The following MICOS10 variants were observed in gnomAD, a reference collection of about 807,000 sequenced individuals.
The protein encoded by MICOS10 is mitochondrial contact site and cristae organizing system subunit 10, also known as MICOS complex subunit MIC10.
In MICOS10, 5 loss-of-function variants were observed where a neutral mutation model predicts 13.4. The observed-to-expected ratio is 0.37, with a 90% confidence interval of 0.20 to 0.78. MICOS10 has a LOEUF of 0.78. Ranked by LOEUF, MICOS10 falls within the 30% of genes least tolerant of loss-of-function variation. The probability of loss-of-function intolerance (pLI) is 0.47; values close to 1 mark genes in which losing one functional copy is unlikely to be tolerated. For synonymous variants in MICOS10, 35 were observed against 33.6 expected (o/e 1.04, Z -0.15); for missense variants, 101 against 94.6 (o/e 1.07, Z -0.28).
chr1:19,626,504 T>G lies in MICOS10; in HGVS notation c.*103T>G. ...AAGCTGCCATTCTTCTGTAACAATGTTATCAGTAATGCTTTAAACTCCAGC... is the reference window on the plus strand; with the variant it reads ...AAGCTGCCATTCTTCTGTAACAATGGTATCAGTAATGCTTTAAACTCCAGC... On this transcript the variant is annotated 3_prime_UTR_variant, in exon 4 of 4. Transcript: ENST00000322753. 7.9e-7 allele frequency: 1 copy of G among 1,260,840 alleles called. No homozygotes were observed. The allele number at this position is 1,260,840 out of a possible 1,614,324, so 78.1% of individuals were successfully genotyped here. A position where few individuals can be genotyped will look rare whatever the true frequency, so the allele number is the denominator to read the frequency against.
chr1:19,599,954 A>G (rs2094807489), intron 1 of MICOS10, among the ~76,000 whole-genome samples: 1 of 152,150 alleles, frequency 6.6e-6, no homozygotes. Flanking sequence ...CTGGTGGGTA[A>G]TCATGGGATG....
Position 19,623,568 on chromosome 1 carries a change from T to C in MICOS10, c.207T>C (p.His69=), listed in dbSNP as rs1737428. The C allele has an allele frequency of 0.23, 367,673 of 1,601,758 alleles. 50,110 individuals are homozygous for C. Among genetic ancestry groups the C allele is most frequent in the African/African-American group, 0.65 (48,775 of 74,596 alleles). The change falls in exon 3 of 4, where the codon CAT becomes CAC. Residue 69 remains histidine, a synonymous_variant. Transcript: ENST00000322753. The part of the protein sequence containing the change: ...QHDFQAPYLL[H]GKYVKEQEQ Reference sequence around the variant, plus strand: ...ATTTCCAGGCTCCATATCTTCTACATGGAAAATATGTCAAAGTATGTACAG... The same window carrying C: ...ATTTCCAGGCTCCATATCTTCTACACGGAAAATATGTCAAAGTATGTACAG...
At chr1:19,624,740 T>C (rs1283977661) in intron 3 of MICOS10, among the ~76,000 whole-genome samples, 1 of 152,174 alleles carries the variant, frequency 6.6e-6, no homozygotes, top group African/African-American at 2.4e-5. Context: ...GACAGGAACA[T>C]TGGAGGCTGG....
Position 19,597,051 on chromosome 1 carries a change from T to C in MICOS10, c.6T>C (p.Ser2=). 2 of 1,590,358 alleles carry C rather than the reference T, an allele frequency of 1.3e-6. No individual in the cohort carries two copies. Among genetic ancestry groups the C allele is most frequent in the Non-Finnish European group, 8.5e-7 (1 of 1,171,012 alleles). The change falls in exon 1 of 4, where the codon TCT becomes TCC. Residue 2 remains serine, a synonymous_variant. Transcript: ENST00000322753. The stretch of plus-strand genomic sequence containing the variant: ...TGGAGGCGCGGGTGGGGAACATGTC[T>C]GAGTCGGAGCTCGGCAGGAAGTGGG... The part of the protein sequence containing the change: M[S]ESELGRKWDR...
chr1:19,616,741 CTCAGAG>C (rs1384965374), intron 1 of MICOS10, among the ~76,000 whole-genome samples: 1 of 152,192 alleles, frequency 6.6e-6, no homozygotes, highest in Non-Finnish European at 1.5e-5. Context: ...AGAGCCATGA[CTCAGAG>C]TCAGACAGCC....
At chr1:19,599,876 C>T (rs1231074277) in intron 1 of MICOS10, among the ~76,000 whole-genome samples, 1 of 152,134 alleles carries the variant, frequency 6.6e-6, no homozygotes, top group East Asian at 1.9e-4. Flanking sequence ...GACTTTTTCA[C>T]ATGCTTTCTG....
At chr1:19,599,509 A>G (rs982838747) in intron 1 of MICOS10, among the ~76,000 whole-genome samples, 9 of 152,210 alleles carry the variant, frequency 5.9e-5, no homozygotes, top group Non-Finnish European at 1.0e-4. Context: ...GATCTCAGGT[A>G]TAAGTTAAAA....
chr1:19,624,494 G>A (rs924640750), intron 3 of MICOS10, among the ~76,000 whole-genome samples: 2 of 152,082 alleles, frequency 1.3e-5, no homozygotes, highest in East Asian at 3.9e-4. Flanking sequence ...CACCATGTTG[G>A]CCAGGCTGGT....
At chr1:19,607,301 A>T (rs1015980341) in intron 1 of MICOS10, among the ~76,000 whole-genome samples, 1 of 152,250 alleles carries the variant, frequency 6.6e-6, no homozygotes. Flanking sequence ...ATTAGGCGCT[A>T]TGTGGAACTT....
intron 3 of MICOS10, chr1:19,625,299 G>C: frequency 8.4e-7 from 1 of 1,185,064 alleles, no homozygotes; most frequent in East Asian, 5.8e-5. Context: ...TGGTACAAAT[G>C]CATGTCCTAA....
chr1:19,601,756 TA>T (rs2094816132), intron 1 of MICOS10, among the ~76,000 whole-genome samples: 1 of 152,120 alleles, frequency 6.6e-6, no homozygotes, highest in Non-Finnish European at 1.5e-5. Context: ...TAGCAAAAAT[TA>T]AAACCCATCT....
chr1:19,611,887 G>A (rs7551429), intron 1 of MICOS10, among the ~76,000 whole-genome samples: 11 of 146,610 alleles, frequency 7.5e-5, no homozygotes, highest in African/African-American at 2.1e-4. Flanking sequence ...CAGGAGAATC[G>A]CTTGAACCTG....
intron 1 of MICOS10, among the ~76,000 whole-genome samples, chr1:19,600,333 G>C (rs1379052797): frequency 8.5e-6 from 1 of 117,116 alleles, no homozygotes; most frequent in Non-Finnish European, 1.8e-5. Flanking sequence ...GAGAGAAGAA[G>C]TAAGGGAGGC....
At chr1:19,615,971 G>A (rs2094882802) in intron 1 of MICOS10, among the ~76,000 whole-genome samples, 1 of 151,844 alleles carries the variant, frequency 6.6e-6, no homozygotes, top group African/African-American at 2.4e-5. Flanking sequence ...AGGCTGGAGT[G>A]CAGTTGGCGT....
chr1:19,616,142 C>T (rs906933755), intron 1 of MICOS10, among the ~76,000 whole-genome samples: 2 of 152,176 alleles, frequency 1.3e-5, no homozygotes, highest in African/African-American at 4.8e-5. Flanking sequence ...TCTCGAACTC[C>T]TGACCTCAGG....
chr1:19,601,532 G>T (rs1229491737), intron 1 of MICOS10, among the ~76,000 whole-genome samples: 1 of 145,270 alleles, frequency 6.9e-6, no homozygotes, highest in Non-Finnish European at 1.5e-5. Flanking sequence ...TGCTGTGATC[G>T]CACCACTGCA....
rs1291717251 is a variant in MICOS10, at chr1:19,625,407, T to C, written c.223-980T>C. 2.3e-6 allele frequency: 3 copies of C among 1,289,254 alleles called. No individual in the cohort carries two copies. The Admixed American group carries it at 6.9e-5, about 30-fold the overall frequency. 79.9% of individuals were successfully genotyped at this position (1,289,254 alleles called of 1,614,324 possible). On this transcript the variant is annotated intron_variant, in intron 3 of 3. Coordinates refer to ENST00000322753, the MANE Select transcript of MICOS10 (RefSeq NM_001032363.4). ...GCCATTTTAGAACCTGCTGAAACCG[T>C]CAGCTGCCTGCAGCCAGCCCATGTC...
At chr1:19,597,178 G>T (rs1481078455) in intron 1 of MICOS10, 69 bp downstream of exon 1, 3 of 1,508,610 alleles carry the variant, frequency 2.0e-6, no homozygotes, top group African/African-American at 2.9e-5. Flanking sequence ...CGCTGCCCAG[G>T]AGGAAGGAAG....
intron 1 of MICOS10, among the ~76,000 whole-genome samples, chr1:19,618,058 A>G (rs545913252): frequency 6.6e-5 from 10 of 151,552 alleles, no homozygotes; most frequent in Admixed American, 5.9e-4. Flanking sequence ...CCACAGTGTG[A>G]TCCTACGTAG....
Sources: gnomAD v4.1 joint callset for allele counts (sites outside exome capture counted in the v4.1 genomes callset) on GRCh38, gnomAD v4.1.1 for gene constraint, MANE v1.5 for transcripts, NCBI Gene and HGNC (gene_info 2026-07-23, HGNC 2026-07-21) for gene names.